The following AGAP6 variants were observed in gnomAD, a reference collection of about 807,000 sequenced individuals.
The protein encoded by AGAP6 is arf-GAP with GTPase, ANK repeat and PH domain-containing protein 6.
A neutral mutation model predicts 63.9 loss-of-function variants in AGAP6; 29 were observed. That is an observed-to-expected ratio of 0.45 (90% confidence interval 0.34 to 0.62). The LOEUF is 0.62. AGAP6 is among the 20% of genes least tolerant of loss of function. AGAP6 has a pLI of 0.01. For missense variants in AGAP6, 493 were observed against 884.9 expected (o/e 0.56, Z 5.62); for synonymous variants, 199 against 332.9 (o/e 0.60, Z 4.38).
intron 3 of AGAP6, 146 bp from the exon 4 acceptor site, chr10:49,994,249 T>A: frequency 1.0e-6 from 1 of 982,966 alleles, no homozygotes; most frequent in Non-Finnish European, 1.4e-6. Context: ...TCATGCCAGA[T>A]AATTTAAATT....
Position 50,009,073 on chromosome 10 carries a change from T to G in AGAP6, c.948T>G (p.Tyr316Ter). Residue 316 changes from tyrosine (Y) to a stop codon, truncating the protein, a stop_gained, in exon 8 of 8, where the codon TAT becomes TAG. Transcript: ENST00000412531. LOFTEE classifies it high-confidence loss of function. ...TLCSNGMLTY[Y>*]SSLGDYMKNI... ...GTTCCAATGGCATGCTCACCTATTA[T>G]TCAAGCTTAGGTGATTATATGAAGA... 1 of 1,613,648 alleles carries G rather than the reference T, an allele frequency of 6.2e-7. No homozygotes were observed. The highest frequency in any genetic ancestry group is 8.5e-7 in the Non-Finnish European group (1 of 1,179,912).
chr10:50,009,730 T>C lies in AGAP6; in HGVS notation c.1605T>C (p.Ile535=). ...PVELRKVMSS[I]VNDLANSIWE... ...AGCTCAGGAAGGTTATGTCATCTAT[T>C]GTCAATGACCTAGCCAACAGCATCT... The change falls in exon 8 of 8, where the codon ATT becomes ATC. Residue 535 remains isoleucine (I), a synonymous_variant. Transcript: ENST00000412531. The C allele has an allele frequency of 6.2e-7, 1 of 1,614,200 alleles. No individual in the cohort carries two copies. Among genetic ancestry groups the C allele is most frequent in the Non-Finnish European group, 8.5e-7 (1 of 1,180,024 alleles).
chr10:49,996,151 GTT>G (rs1841478399), intron 4 of AGAP6, among the ~76,000 whole-genome samples: 2 of 151,580 alleles, frequency 1.3e-5, no homozygotes, highest in South Asian at 4.2e-4. Flanking sequence ...ATTTTTTTCA[GTT>G]TGTCTTTTTA....
intron 6 of AGAP6, 108 bp from the exon 7 acceptor site, chr10:50,007,917 G>T: frequency 6.3e-7 from 1 of 1,593,590 alleles, no homozygotes; most frequent in Non-Finnish European, 8.5e-7. Flanking sequence ...CATAAAAACT[G>T]CTTTGGTAAA....
chr10:50,009,782 A>G lies in AGAP6; in HGVS notation c.1657A>G (p.Lys553Glu), dbSNP rs782730675. The G allele has an allele frequency of 8.7e-6, 14 of 1,613,812 alleles. No homozygotes were observed. Among genetic ancestry groups the G allele is most frequent in the Admixed American group, 1.7e-5 (1 of 59,990 alleles). ...GGAAGGGAGCAGCCAGGGGCAGACA[A>G]AACCCTCAGAAAAGTCCACGAGGGA... The part of the protein sequence containing the change: ...IWEGSSQGQT[K>E]PSEKSTREEK... The change falls in exon 8 of 8, where the codon AAA becomes GAA. Residue 553 changes from lysine to glutamate, a missense_variant. Transcript: ENST00000412531.
Position 49,988,412 on chromosome 10 carries a change from C to G in AGAP6, c.-304C>G. On this transcript the variant is annotated 5_prime_UTR_variant, in exon 1 of 8. Coordinates refer to ENST00000412531, the MANE Select transcript of AGAP6 (RefSeq NM_001077665.3). The stretch of plus-strand genomic sequence containing the variant: ...AAGGAGGAGGAACTCCGTCTGTTCT[C>G]TCTTCAGGCAGTTGTTGTGTCTCTC... 1 of 1,335,010 alleles carries G rather than the reference C, an allele frequency of 7.5e-7. No homozygotes were observed. The highest frequency in any genetic ancestry group is 9.7e-7 in the Non-Finnish European group (1 of 1,033,462). The allele number at this position is 1,335,010 out of a possible 1,614,324, so 82.7% of individuals were successfully genotyped here.
chr10:50,008,358 G>A (rs145237995), intron 7 of AGAP6, among the ~76,000 whole-genome samples: 2,665 of 147,198 alleles, frequency 0.018, 76 homozygotes, highest in African/African-American at 0.062. Flanking sequence ...GAGTGCAATC[G>A]CGCGATCTTG....
chr10:50,002,117 G>A (rs1554863057), intron 5 of AGAP6, 21 bp downstream of exon 5: 31 of 1,595,416 alleles, frequency 1.9e-5, no homozygotes, highest in South Asian at 1.1e-4. Context: ...CTATGCTGCC[G>A]AGGGACAGAT....
chr10:50,008,357 C>A (rs529626999), intron 7 of AGAP6, among the ~76,000 whole-genome samples: 1 of 147,906 alleles, frequency 6.8e-6, no homozygotes, highest in African/African-American at 2.5e-5. Context: ...GGAGTGCAAT[C>A]GCGCGATCTT....
chr10:50,002,082 A>G lies in AGAP6; in HGVS notation c.483A>G (p.Thr161=), dbSNP rs1554863036. 5 of 1,608,584 alleles carry G rather than the reference A, an allele frequency of 3.1e-6. No individual in the cohort carries two copies. The highest frequency in any genetic ancestry group is 2.2e-5 in the East Asian group (1 of 44,820). The stretch of plus-strand genomic sequence containing the variant: ...GCACAGCCATCCAGCATTATCTTAC[A>G]ATGACAATAATATCGTGAGTACAAC... ...DDSTAIQHYL[T]MTIISVTLEI... Residue 161 remains threonine (T), a synonymous_variant, in exon 5 of 8, where the codon ACA becomes ACG. Transcript: ENST00000412531.
Position 49,993,530 on chromosome 10 carries a change from A to C in AGAP6, c.362-865A>C, listed in dbSNP as rs868909830. The stretch of plus-strand genomic sequence containing the variant: ...TTTGTATACTCATTTTAAACATCAA[A>C]ATTTAGGCCAGGCTCTGTGGCTTAC... On this transcript the variant is annotated intron_variant, in intron 3 of 7. Coordinates refer to ENST00000412531, the MANE Select transcript of AGAP6 (RefSeq NM_001077665.3). Among the ~76,000 whole-genome samples, 8 of 152,174 alleles carry C rather than the reference A, an allele frequency of 5.3e-5. No homozygotes were observed. The South Asian group carries it at 1.7e-3, about 32-fold the overall frequency.
At chr10:50,004,166 C>A (rs1253463868) in intron 5 of AGAP6, among the ~76,000 whole-genome samples, 3 of 151,188 alleles carry the variant, frequency 2.0e-5, no homozygotes, top group African/African-American at 7.3e-5. Flanking sequence ...GCCTGGGCAA[C>A]AAGAGCGAAA....
chr10:49,995,328 C>A (rs1290808003), intron 4 of AGAP6, among the ~76,000 whole-genome samples: 4 of 152,140 alleles, frequency 2.6e-5, no homozygotes, highest in African/African-American at 9.7e-5. Context: ...TCCTAGCCTA[C>A]GTTAGTTTAT....
chr10:50,003,545 T>G (rs1453654159), intron 5 of AGAP6, among the ~76,000 whole-genome samples: 1 of 152,192 alleles, frequency 6.6e-6, no homozygotes, highest in East Asian at 1.9e-4. Flanking sequence ...CCCAGCTCAG[T>G]CATTCCAAAC....
chr10:50,003,741 A>C (rs1841798051), intron 5 of AGAP6, among the ~76,000 whole-genome samples: 1 of 152,214 alleles, frequency 6.6e-6, no homozygotes, highest in South Asian at 2.1e-4. Context: ...AGGACGAGAA[A>C]CTGCTCCTAT....
chr10:50,009,263 A>C lies in AGAP6; in HGVS notation c.1138A>C (p.Ser380Arg). 6.2e-7 allele frequency: 1 copy of C among 1,614,208 alleles called. No individual in the cohort carries two copies. Among genetic ancestry groups the C allele is most frequent in the Non-Finnish European group, 8.5e-7 (1 of 1,180,036 alleles). Reference sequence around the variant, plus strand: ...GGGTGACTCCATATGCTTCAGCCCCAGTATCTCCAGCACCACCAGCCCCAA... The same window carrying C: ...GGGTGACTCCATATGCTTCAGCCCCCGTATCTCCAGCACCACCAGCCCCAA... ...GLGDSICFSP[S>R]ISSTTSPKLN... Residue 380 changes from serine to arginine, a missense_variant, in exon 8 of 8, where the codon AGT becomes CGT. Transcript: ENST00000412531.
At position 49,999,901 on chromosome 10, in the gene AGAP6, T is replaced by C. The variant is rs192284598; in HGVS notation, c.397-2095T>C. 3.7e-3 allele frequency among the ~76,000 whole-genome samples: 521 copies of C among 142,686 alleles called. 59 individuals are homozygous for C. The highest frequency in any genetic ancestry group is 7.1e-3 in the Middle Eastern group (2 of 282). The allele number at this position is 142,686 out of a possible 152,430, so 93.6% of individuals were successfully genotyped here. ...AATAAACTAAACTAAAATAAAATACTTCGGAATAGACCTAACCAAGGAGGT... is the reference window on the plus strand; with the variant it reads ...AATAAACTAAACTAAAATAAAATACCTCGGAATAGACCTAACCAAGGAGGT... On this transcript the variant is annotated intron_variant, in intron 4 of 7. Coordinates refer to ENST00000412531, the MANE Select transcript of AGAP6 (RefSeq NM_001077665.3).
rs782351142 is a variant in AGAP6, at chr10:50,008,999, C to T, written c.874C>T (p.Arg292Ter). Residue 292 changes from arginine (R) to a stop codon, truncating the protein, a stop_gained, in exon 8 of 8, where the codon CGA becomes TGA. Coordinates refer to ENST00000412531, the MANE Select transcript of AGAP6 (RefSeq NM_001077665.3). LOFTEE classifies it high-confidence loss of function. ...IPIKQGMLLK[R>*]SGKWLKTWKK... Reference sequence around the variant, plus strand: ...CATTAAACAGGGCATGCTCTTAAAGCGAAGTGGGAAATGGCTGAAGACATG... The same window carrying T: ...CATTAAACAGGGCATGCTCTTAAAGTGAAGTGGGAAATGGCTGAAGACATG... 1.7e-5 allele frequency: 27 copies of T among 1,613,858 alleles called. No individual in the cohort carries two copies. The African/African-American group carries it at 2.1e-4, about 13-fold the overall frequency.
intron 6 of AGAP6, among the ~76,000 whole-genome samples, chr10:50,007,036 G>T (rs540750646): frequency 6.9e-4 from 105 of 151,188 alleles, no homozygotes; most frequent in Admixed American, 1.9e-3. Flanking sequence ...CAATGACTTT[G>T]TATTACTTTC....
Sources: gnomAD v4.1 joint callset for allele counts (sites outside exome capture counted in the v4.1 genomes callset) on GRCh38, gnomAD v4.1.1 for gene constraint, MANE v1.5 for transcripts, NCBI Gene and HGNC (gene_info 2026-07-23, HGNC 2026-07-21) for gene names.